The following CAPN14 variants were observed in gnomAD, a reference collection of about 807,000 sequenced individuals.
The protein encoded by CAPN14 is calpain 14.
In CAPN14, 94 loss-of-function variants were observed where a neutral mutation model predicts 101.3. The observed-to-expected ratio is 0.93, with a 90% CI of 0.79 to 1.10. The LOEUF (loss-of-function observed/expected upper bound fraction) is 1.10. CAPN14 is among the 50% of genes least tolerant of loss of function. CAPN14 has a pLI of 0.00. For missense variants in CAPN14, 837 were observed against 828.4 expected, an observed-to-expected ratio of 1.01 and a Z score of -0.13; for synonymous variants, 338 against 317.9, an observed-to-expected ratio of 1.06 and a Z score of -0.67.
chr2:31,187,902 T>C, intron 14 of CAPN14, 88 bp from the exon 15 acceptor site: 1 of 1,048,610 alleles, frequency 9.5e-7, no homozygotes, highest in East Asian at 2.6e-5. Flanking sequence ...GGCTTCCAGG[T>C]TTCTGAAATC....
intron 5 of CAPN14, among the ~76,000 whole-genome samples, chr2:31,201,144 TGTGTGTGC>T (rs1558626164): frequency 2.7e-5 from 4 of 145,902 alleles, no homozygotes; most frequent in African/African-American, 1.0e-4. Context: ...TGTGGACGTG[TGTGTGTGC>T]ATGTGCGTAT....
In CAPN14 at chr2:31,178,604, C is replaced by T. The variant is rs576668179; in HGVS notation, c.1711-25G>A. The T allele has an allele frequency of 7.5e-6, 11 of 1,467,802 alleles. No homozygotes were observed. In the South Asian group the frequency reaches 1.5e-4, roughly 20 times the overall value. The allele number at this position is 1,467,802 out of a possible 1,614,324, so 90.9% of individuals were successfully genotyped here. A position where few individuals can be genotyped will look rare whatever the true frequency, so the allele number is the denominator to read the frequency against. On this transcript the variant is annotated intron_variant, in intron 17 of 21. Coordinates refer to ENST00000403897, the MANE Select transcript of CAPN14 (RefSeq NM_001145122.2). ...GCTGATTAATAGGTTAAGGTAAAAG[C>T]TTCCAGGGAGAGTTCTATCCATGCT...
intron 5 of CAPN14, 134 bp downstream of exon 5, chr2:31,201,728 G>C: frequency 8.6e-7 from 1 of 1,163,170 alleles, no homozygotes. Context: ...TGAATACGTT[G>C]TCACTTCTAT....
chr2:31,232,723 C>T (rs1293705488), intron 1 of CAPN14, among the ~76,000 whole-genome samples: 1 of 152,178 alleles, frequency 6.6e-6, no homozygotes, highest in Non-Finnish European at 1.5e-5. Context: ...CTCCTCCCAC[C>T]AGCTCTCTCC....
intron 19 of CAPN14, 45 bp from the exon 20 acceptor site, chr2:31,177,187 C>A (rs746153333): frequency 7.4e-7 from 1 of 1,348,788 alleles, no homozygotes; most frequent in Admixed American, 2.0e-5. Context: ...GGGGCTTGCA[C>A]CCAGCTCCCC....
rs1186853211 is a variant in CAPN14, at chr2:31,180,957, C to T, written c.1689G>A (p.Gln563=). 2 of 1,551,720 alleles carry T rather than the reference C, an allele frequency of 1.3e-6. No individual in the cohort carries two copies. Among genetic ancestry groups the T allele is most frequent in the East Asian group, 4.9e-5 (2 of 40,926 alleles). Residue 563 remains glutamine, a synonymous_variant, in exon 17 of 22, where the codon CAG becomes CAA. Coordinates refer to ENST00000403897, the MANE Select transcript of CAPN14 (RefSeq NM_001145122.2). ...ATACGTCCAGTAAGGCCAGGATCCC[C>T]TGGCAGGCTTCCAGGCTAAAGAAGG... ...RQPFFSLEAC[Q]GILALLDLNA... is the part of the protein sequence containing the mutation.
intron 6 of CAPN14, 104 bp from the exon 7 acceptor site, chr2:31,199,636 T>A: frequency 1.2e-6 from 1 of 861,690 alleles, no homozygotes; most frequent in Non-Finnish European, 1.8e-6. Flanking sequence ...TGGAGAGAAG[T>A]GTGGGAGATA....
intron 1 of CAPN14, among the ~76,000 whole-genome samples, chr2:31,211,222 G>A (rs1682383200): frequency 7.4e-6 from 1 of 135,838 alleles, no homozygotes; most frequent in Non-Finnish European, 1.6e-5. Context: ...GAAAAAGAAA[G>A]AGAGAAAGAA....
intron 1 of CAPN14, among the ~76,000 whole-genome samples, chr2:31,216,376 T>G (rs1682646085): frequency 6.6e-6 from 1 of 152,120 alleles, no homozygotes; most frequent in Non-Finnish European, 1.5e-5. Context: ...GTTTGAAAAG[T>G]GGGAGAATCA....
chr2:31,211,472 A>G (rs1682399570), intron 1 of CAPN14, among the ~76,000 whole-genome samples: 2 of 152,298 alleles, frequency 1.3e-5, no homozygotes, highest in South Asian at 4.1e-4. Context: ...AAAATGTATT[A>G]GGAAAAAAAA....
At chr2:31,206,316 C>T (rs1487434631) in intron 1 of CAPN14, among the ~76,000 whole-genome samples, 1 of 152,338 alleles carries the variant, frequency 6.6e-6, no homozygotes, top group Middle Eastern at 3.4e-3. Flanking sequence ...GGGTCTCTCA[C>T]AGAAGGCCCC....
chr2:31,175,618 G>C (rs1680253253), intron 21 of CAPN14, among the ~76,000 whole-genome samples: 1 of 152,212 alleles, frequency 6.6e-6, no homozygotes, highest in Non-Finnish European at 1.5e-5. Context: ...AGCAGTCCAG[G>C]GATAGGCCCT....
At chr2:31,176,496 C>T (rs1680293995) in intron 21 of CAPN14, 91 bp downstream of exon 21, 1 of 938,168 alleles carries the variant, frequency 1.1e-6, no homozygotes, top group African/African-American at 1.6e-5. Context: ...ATAAAGTGTC[C>T]CCAGAGCCCT....
intron 1 of CAPN14, among the ~76,000 whole-genome samples, chr2:31,213,659 T>C (rs1254991230): frequency 6.6e-6 from 1 of 152,236 alleles, no homozygotes; most frequent in African/African-American, 2.4e-5. Context: ...TATCTCTAAT[T>C]GATTCGTTGA....
intron 2 of CAPN14, among the ~76,000 whole-genome samples, chr2:31,224,438 G>A (rs754429810): frequency 3.9e-5 from 6 of 152,062 alleles, no homozygotes; most frequent in African/African-American, 7.2e-5. Flanking sequence ...CCCAAGCCAA[G>A]GGGTGAAGAA....
chr2:31,218,837 C>T (rs1451342102), upstream of CAPN14, among the ~76,000 whole-genome samples: 1 of 152,208 alleles, frequency 6.6e-6, no homozygotes, highest in African/African-American at 2.4e-5. Flanking sequence ...AAATCCAAAG[C>T]TTTCTTCCTG....
intron 10 of CAPN14, among the ~76,000 whole-genome samples, chr2:31,192,647 A>G (rs1046094323): frequency 6.6e-6 from 1 of 152,140 alleles, no homozygotes; most frequent in East Asian, 1.9e-4. Context: ...TTGGGAGTCC[A>G]GACAGGTTTG....
intron 1 of CAPN14, among the ~76,000 whole-genome samples, chr2:31,214,227 T>C (rs77256699): frequency 0.029 from 4,400 of 152,166 alleles, 86 homozygotes; most frequent in Non-Finnish European, 0.043. Context: ...ACTTGGAAAA[T>C]GTAAAGAACA....
chr2:31,189,185 C>A, intron 13 of CAPN14, 88 bp downstream of exon 13: 1 of 1,181,366 alleles, frequency 8.5e-7, no homozygotes. Context: ...CAGCAGAGAT[C>A]CTGGTTTCTG....
Sources: gnomAD v4.1 joint callset for allele counts (sites outside exome capture counted in the v4.1 genomes callset) on GRCh38, gnomAD v4.1.1 for gene constraint, MANE v1.5 for transcripts, NCBI Gene and HGNC (gene_info 2026-07-23, HGNC 2026-07-21) for gene names.